SMYD1: variants seen among roughly 807,000 people sequenced by gnomAD.
The protein encoded by SMYD1 is SET and MYND domain containing 1.
A neutral mutation model predicts 54.0 loss-of-function variants in SMYD1; 49 were observed. The observed-to-expected ratio is 0.91, with a 90% CI of 0.72 to 1.15. The LOEUF is 1.15. SMYD1 is among the 50% of genes most tolerant of loss of function. The pLI, the probability that SMYD1 is intolerant of heterozygous loss-of-function variation, is 0.00. For synonymous variants in SMYD1, 269 were observed against 234.2 expected, an observed-to-expected ratio of 1.15 and a Z score of -1.36; for missense variants, 653 against 639.6, an observed-to-expected ratio of 1.02 and a Z score of -0.23.
Position 88,067,984 on chromosome 2 carries a change from C to A in SMYD1, c.120C>A (p.Ser40=). The change falls in exon 1 of 10, where the codon TCC becomes TCA. Residue 40 remains serine, a synonymous_variant. Coordinates refer to ENST00000419482, the MANE Select transcript of SMYD1 (RefSeq NM_198274.4). ...TCATCTTTGCTGAGCGGGCTTATTC[C>A]GCAGTGGTTTTTGACAGGTATGAAA... ...ADIIFAERAY[S]AVVFDSLVNF... The A allele has an allele frequency of 6.2e-7, 1 of 1,613,552 alleles. No homozygotes were observed. Among genetic ancestry groups the A allele is most frequent in the Non-Finnish European group, 8.5e-7 (1 of 1,179,948 alleles).
At chr2:88,094,962 T>A (rs1445770735) in intron 5 of SMYD1, among the ~76,000 whole-genome samples, 1 of 152,128 alleles carries the variant, frequency 6.6e-6, no homozygotes, top group African/African-American at 2.4e-5. Flanking sequence ...GCATCTTAAT[T>A]CCCATGCATT....
chr2:88,102,869 A>C (rs916569989), intron 6 of SMYD1, among the ~76,000 whole-genome samples, 189 bp from the exon 7 acceptor site: 1 of 152,194 alleles, frequency 6.6e-6, no homozygotes, highest in Admixed American at 6.5e-5. Flanking sequence ...TAGAAAACAC[A>C]AGTCAGAAAT....
At position 88,110,621 on chromosome 2, in the gene SMYD1, C is replaced by T. The variant is rs1675000212; in HGVS notation, c.*109C>T. ...ATGAGGAAGTTGAGGTAATGCTTAA[C>T]ATTGTTGCTGTGAGAATTTACTGCC... On this transcript the variant is annotated 3_prime_UTR_variant, in exon 10 of 10. Coordinates refer to ENST00000419482, the MANE Select transcript of SMYD1 (RefSeq NM_198274.4). The T allele has an allele frequency of 7.5e-7, 1 of 1,330,282 alleles. No individual in the cohort carries two copies. Among genetic ancestry groups the T allele is most frequent in the Non-Finnish European group, 1.0e-6 (1 of 1,001,914 alleles). 82.4% of individuals were successfully genotyped at this position (1,330,282 alleles called of 1,614,324 possible).
At chr2:88,091,478 G>A (rs1378324315) in intron 4 of SMYD1, among the ~76,000 whole-genome samples, 1 of 152,158 alleles carries the variant, frequency 6.6e-6, no homozygotes, top group Non-Finnish European at 1.5e-5. Flanking sequence ...GAATCAGGAG[G>A]CACACTCAAA....
chr2:88,069,189 C>T (rs1474870648), intron 1 of SMYD1, among the ~76,000 whole-genome samples: 1 of 152,140 alleles, frequency 6.6e-6, no homozygotes, highest in East Asian at 1.9e-4. Flanking sequence ...ACCTGCTTGA[C>T]ATCTATGTGG....
chr2:88,091,530 G>C (rs1204606654), intron 4 of SMYD1, among the ~76,000 whole-genome samples: 1 of 152,262 alleles, frequency 6.6e-6, no homozygotes, highest in South Asian at 2.1e-4. Flanking sequence ...ACAATTTACA[G>C]AAGTGTGGAC....
intron 1 of SMYD1, among the ~76,000 whole-genome samples, chr2:88,071,013 T>C (rs1278784308): frequency 1.3e-5 from 2 of 151,330 alleles, no homozygotes; most frequent in African/African-American, 4.9e-5. Flanking sequence ...CAATGTATAA[T>C]TTAGTTATGT....
intron 9 of SMYD1, among the ~76,000 whole-genome samples, chr2:88,110,043 G>A (rs1287885471): frequency 1.3e-5 from 2 of 152,132 alleles, no homozygotes; most frequent in Non-Finnish European, 2.9e-5. Context: ...ACTAGTATCT[G>A]CAGGGGCCAG....
chr2:88,080,948 G>A (rs1251085872), intron 1 of SMYD1, among the ~76,000 whole-genome samples: 1 of 151,578 alleles, frequency 6.6e-6, no homozygotes, highest in Non-Finnish European at 1.5e-5. Context: ...TGTTGCCCAG[G>A]CTGGAGTGCA....
intron 1 of SMYD1, among the ~76,000 whole-genome samples, chr2:88,076,275 C>A (rs530033438): frequency 6.6e-6 from 1 of 152,156 alleles, no homozygotes; most frequent in Non-Finnish European, 1.5e-5. Context: ...AGTGCAGTGG[C>A]GTGATTTCGG....
At chr2:88,101,025 C>CA (rs1327926984) in intron 6 of SMYD1, among the ~76,000 whole-genome samples, 2 of 152,190 alleles carry the variant, frequency 1.3e-5, no homozygotes, top group Non-Finnish European at 2.9e-5. Context: ...GGCAGAAGAA[C>CA]AAATATAGTA....
At chr2:88,069,152 A>G (rs926475666) in intron 1 of SMYD1, among the ~76,000 whole-genome samples, 1 of 152,200 alleles carries the variant, frequency 6.6e-6, no homozygotes, top group Admixed American at 6.5e-5. Context: ...TAAATTGTCA[A>G]TATTTTCTGA....
chr2:88,105,913 G>A (rs542734764), intron 7 of SMYD1, among the ~76,000 whole-genome samples: 16 of 151,724 alleles, frequency 1.1e-4, no homozygotes, highest in Admixed American at 5.2e-4. Context: ...ACTTCAGCCT[G>A]GGCAATGGAG....
intron 9 of SMYD1, among the ~76,000 whole-genome samples, 186 bp from the exon 10 acceptor site, chr2:88,110,168 C>T (rs1047488857): frequency 1.3e-5 from 2 of 150,408 alleles, no homozygotes; most frequent in African/African-American, 4.9e-5. Flanking sequence ...CAAAGTGGGC[C>T]CACTGCCAGG....
At chr2:88,107,929 C>T (rs1231960379) in intron 8 of SMYD1, among the ~76,000 whole-genome samples, 3 of 152,232 alleles carry the variant, frequency 2.0e-5, no homozygotes, top group Admixed American at 1.3e-4. Context: ...GGCTTACACT[C>T]GGTGCGCTGC....
intron 1 of SMYD1, among the ~76,000 whole-genome samples, chr2:88,072,624 T>C (rs778799502): frequency 6.6e-6 from 1 of 152,244 alleles, no homozygotes; most frequent in East Asian, 1.9e-4. Flanking sequence ...GAAATCATAA[T>C]GTATCCTAAA....
At chr2:88,106,602 C>T in intron 8 of SMYD1, 114 bp downstream of exon 8, 1 of 1,088,094 alleles carries the variant, frequency 9.2e-7, no homozygotes, top group South Asian at 1.6e-5. Flanking sequence ...CAGCAGGCGT[C>T]AGTAATCCAT....
intron 2 of SMYD1, among the ~76,000 whole-genome samples, chr2:88,087,094 A>AG (rs1390094759): frequency 5.3e-5 from 8 of 151,116 alleles, no homozygotes; most frequent in Non-Finnish European, 1.2e-4. Flanking sequence ...AAAAAAAAAA[A>AG]AAAAGAATAC....
At chr2:88,078,021 G>A (rs1415439933) in intron 1 of SMYD1, among the ~76,000 whole-genome samples, 1 of 152,174 alleles carries the variant, frequency 6.6e-6, no homozygotes, top group Admixed American at 6.5e-5. Flanking sequence ...CACCATGCCC[G>A]ACCAGGATGG....
Sources: allele counts gnomAD v4.1 joint callset (sites outside exome capture counted in the v4.1 genomes callset), GRCh38; gene constraint gnomAD v4.1.1; transcripts MANE v1.5; gene names NCBI Gene and HGNC (gene_info 2026-07-23, HGNC 2026-07-21).